Variants in FNIP2 observed in about 807,000 individuals in gnomAD.
FNIP2 encodes the protein folliculin interacting protein 2.
A neutral mutation model predicts 108.7 loss-of-function variants in FNIP2; 32 were observed. The observed-to-expected ratio is 0.29, with a 90% CI of 0.22 to 0.40. The LOEUF (loss-of-function observed/expected upper bound fraction) is 0.40, where lower values mean the gene tolerates loss of function less well. FNIP2 is among the 10% of genes least tolerant of loss of function. FNIP2 has a pLI of 1.00. For missense variants in FNIP2, 1,202 were observed against 1,381.6 expected, an observed-to-expected ratio of 0.87 and a Z score of 2.06; for synonymous variants, 480 against 496.7, an observed-to-expected ratio of 0.97 and a Z score of 0.45.
At position 158,869,141 on chromosome 4, in the gene FNIP2, G is replaced by C; in HGVS notation, c.2505G>C (p.Glu835Asp). ...GAGGTGGRRL[E>D]ATRGLYVKAA... ...GAGGAACGGGAGGGAGGAGGCTGGA[G>C]GCCACTAGAGGTTTGTATGTGAAGG... The change falls in exon 13 of 17, where the codon GAG (glutamate) becomes GAC (aspartate). Residue 835 changes from glutamate (E) to aspartate (D), a missense_variant. Glu to Asp is a conservative substitution (Grantham distance 45, BLOSUM62 2). This residue lies in a region of FNIP2 where 878 missense variants were observed against 990.3 expected (regional missense o/e 0.89). Coordinates refer to ENST00000264433, the MANE Select transcript of FNIP2 (RefSeq NM_020840.3). The C allele has an allele frequency of 6.2e-7, 1 of 1,614,054 alleles. No individual in the cohort carries two copies. Among genetic ancestry groups the C allele is most frequent in the South Asian group, 1.1e-5 (1 of 91,088 alleles).
At chr4:158,822,271 G>A (rs971679577) in intron 1 of FNIP2, among the ~76,000 whole-genome samples, 5 of 142,016 alleles carry the variant, frequency 3.5e-5, no homozygotes, top group African/African-American at 1.0e-4. Flanking sequence ...TCGACTTCCC[G>A]AGCTCAGGTG....
chr4:158,865,634 T>C (rs1207366039), intron 12 of FNIP2, among the ~76,000 whole-genome samples: 1 of 152,242 alleles, frequency 6.6e-6, no homozygotes, highest in African/African-American at 2.4e-5. Context: ...TAAGTAATGC[T>C]TCTTCTTTAT....
chr4:158,843,437 G>A (rs912941209), intron 7 of FNIP2, among the ~76,000 whole-genome samples: 2 of 152,022 alleles, frequency 1.3e-5, no homozygotes, highest in African/African-American at 2.4e-5. Flanking sequence ...CTCATGTGGC[G>A]GACATTTTTT....
chr4:158,772,344 C>A (rs1775724410), intron 1 of FNIP2, among the ~76,000 whole-genome samples: 1 of 152,194 alleles, frequency 6.6e-6, no homozygotes, highest in South Asian at 2.1e-4. Context: ...TGTCCAGTGA[C>A]TTACATGTGT....
intron 14 of FNIP2, among the ~76,000 whole-genome samples, chr4:158,883,949 C>CTTTTTTTTTTTTTTTTTTT (rs33942642): frequency 1.1e-5 from 1 of 89,000 alleles, no homozygotes. Context: ...TTAATAAGCT[C>CTTTTTTTTTTTTTTTTTTT]TTTTTTTTTT....
chr4:158,782,487 C>T lies in FNIP2; in HGVS notation c.107+13168C>T, dbSNP rs76195726. Among the ~76,000 whole-genome samples the T allele has an allele frequency of 4.0e-5, 6 of 151,420 alleles. No individual in the cohort carries two copies. The East Asian group carries it at 1.2e-3, about 29-fold the overall frequency. On this transcript the variant is annotated intron_variant, in intron 1 of 16. Coordinates refer to ENST00000264433, the MANE Select transcript of FNIP2 (RefSeq NM_020840.3). ...AAACCTACCAGATACATAACTATCT[C>T]TTTTTGTATCTTTTAATATCAGGAG...
At chr4:158,847,121 C>T (rs928228410) in intron 7 of FNIP2, among the ~76,000 whole-genome samples, 2 of 152,194 alleles carry the variant, frequency 1.3e-5, no homozygotes, top group Admixed American at 6.5e-5. Context: ...CTTGCCACCA[C>T]GGACTAAAGT....
intron 2 of FNIP2, among the ~76,000 whole-genome samples, chr4:158,828,813 T>C (rs1778300271): frequency 1.3e-5 from 2 of 152,186 alleles, no homozygotes; most frequent in African/African-American, 4.8e-5. Context: ...AGGTCAATTA[T>C]GTGAATTGAA....
chr4:158,881,661 C>G (rs1236440087), intron 14 of FNIP2, among the ~76,000 whole-genome samples: 1 of 152,050 alleles, frequency 6.6e-6, no homozygotes, highest in Non-Finnish European at 1.5e-5. Context: ...CTGTGTTGGC[C>G]GGGCTGGTCT....
intron 1 of FNIP2, among the ~76,000 whole-genome samples, chr4:158,779,376 T>G (rs1187859775): frequency 6.6e-6 from 1 of 152,192 alleles, no homozygotes; most frequent in East Asian, 1.9e-4. Flanking sequence ...GTTAAATGAT[T>G]ATGAAGACAG....
At chr4:158,826,616 A>AGTG (rs150947952) in intron 2 of FNIP2, among the ~76,000 whole-genome samples, 16 of 151,462 alleles carry the variant, frequency 1.1e-4, no homozygotes, top group Admixed American at 2.6e-4. Context: ...GTTGGGTGGT[A>AGTG]GTGGTGGTGG....
intron 1 of FNIP2, among the ~76,000 whole-genome samples, chr4:158,777,026 A>G (rs1775885393): frequency 6.6e-6 from 1 of 152,176 alleles, no homozygotes; most frequent in South Asian, 2.1e-4. Flanking sequence ...CAGTTGATTG[A>G]CCTGCACCCC....
chr4:158,804,367 C>G (rs930024205), intron 1 of FNIP2, among the ~76,000 whole-genome samples: 1 of 149,962 alleles, frequency 6.7e-6, no homozygotes. Flanking sequence ...GACTAATATG[C>G]AAATAATTTA....
intron 7 of FNIP2, among the ~76,000 whole-genome samples, chr4:158,850,766 G>T (rs1779653528): frequency 6.6e-6 from 1 of 151,020 alleles, no homozygotes; most frequent in Admixed American, 6.6e-5. Flanking sequence ...GAGGAAATAT[G>T]TGTAAAGTAA....
chr4:158,770,760 C>T (rs1010503128), intron 1 of FNIP2, among the ~76,000 whole-genome samples: 2 of 152,102 alleles, frequency 1.3e-5, no homozygotes, highest in Non-Finnish European at 2.9e-5. Context: ...TAATTTCGTC[C>T]CTTCCCTCCC....
intron 1 of FNIP2, among the ~76,000 whole-genome samples, chr4:158,821,743 C>G (rs1424050056): frequency 1.3e-5 from 2 of 152,214 alleles, no homozygotes; most frequent in East Asian, 3.8e-4. Context: ...CTGTCTCATT[C>G]TGAAGCACTG....
At chr4:158,899,238 G>A (rs1782979784) in intron 16 of FNIP2, among the ~76,000 whole-genome samples, 1 of 152,184 alleles carries the variant, frequency 6.6e-6, no homozygotes, top group African/African-American at 2.4e-5. Context: ...TGTGCTGCTG[G>A]ATTCAGTTTG....
chr4:158,797,367 G>A (rs1051641256), intron 1 of FNIP2, among the ~76,000 whole-genome samples: 3 of 152,188 alleles, frequency 2.0e-5, no homozygotes, highest in Non-Finnish European at 2.9e-5. Flanking sequence ...AAGAATGAGT[G>A]AGATACCAGT....
chr4:158,796,104 G>C (rs1210005179), intron 1 of FNIP2: 1 of 152,160 alleles, frequency 6.6e-6, no homozygotes, highest in Non-Finnish European at 1.5e-5. Context: ...ATCCTTCAGA[G>C]GCATTGTTTA....
Sources: allele counts gnomAD v4.1 joint callset (sites outside exome capture counted in the v4.1 genomes callset), GRCh38; gene constraint gnomAD v4.1.1; regional missense constraint gnomAD v4.1.1; transcripts MANE v1.5; gene names NCBI Gene and HGNC (gene_info 2026-07-23, HGNC 2026-07-21).